BICRAL: variants seen among roughly 807,000 people sequenced by gnomAD.
The protein encoded by BICRAL is BICRA like chromatin remodeling complex associated protein, also known as BRD4-interacting chromatin-remodeling complex-associated protein-like.
BICRAL carries 8 observed loss-of-function variants against 91.8 expected under a neutral mutation model. The ratio of observed to expected loss-of-function variants is 0.09; its 90% CI spans 0.05 to 0.16. BICRAL has a LOEUF of 0.16. Ranked by LOEUF, BICRAL falls within the 10% of genes least tolerant of loss-of-function variation. The pLI is 1.00. For synonymous variants in BICRAL, 445 were observed against 491.1 expected (o/e 0.91, Z 1.24); for missense variants, 1,038 against 1,310.9 (o/e 0.79, Z 3.21).
At chr6:42,864,463 G>T (rs978326348) in intron 12 of BICRAL, among the ~76,000 whole-genome samples, 196 bp from the exon 13 acceptor site, 41 of 152,174 alleles carry the variant, frequency 2.7e-4, no homozygotes, top group African/African-American at 9.4e-4. Context: ...TGAAGCTGGG[G>T]CTCCACAGCC....
chr6:42,861,736 C>T (rs988945574), intron 11 of BICRAL, among the ~76,000 whole-genome samples: 16 of 151,936 alleles, frequency 1.1e-4, no homozygotes, highest in East Asian at 1.9e-4. Context: ...CAGTGGCTCA[C>T]GCCTGTAATC....
intron 6 of BICRAL, among the ~76,000 whole-genome samples, chr6:42,842,914 C>A (rs930054645): frequency 1.3e-4 from 20 of 151,060 alleles, no homozygotes; most frequent in Non-Finnish European, 2.9e-5. Context: ...AGTGCAGTGG[C>A]ACAGTCTTGG....
At chr6:42,747,808 T>A (rs1005852162) in intron 1 of BICRAL, among the ~76,000 whole-genome samples, 3 of 145,566 alleles carry the variant, frequency 2.1e-5, no homozygotes, top group African/African-American at 5.2e-5. Context: ...TTATTTTGTT[T>A]TTTTTTTTTT....
At chr6:42,856,957 G>T (rs982823867) in intron 9 of BICRAL, 134 bp from the exon 10 acceptor site, 2 of 685,882 alleles carry the variant, frequency 2.9e-6, no homozygotes, top group African/African-American at 3.6e-5. Context: ...ACCCACTATG[G>T]TATAAAAAAT....
rs868480822 is a variant in BICRAL at position 42,859,704 on chromosome 6, C to T, written c.2255-558C>T. Among the ~76,000 whole-genome samples the T allele has an allele frequency of 1.3e-3, 202 of 152,112 alleles. 1 individual carries two copies. The highest frequency in any genetic ancestry group is 3.4e-3 in the African/African-American group (142 of 41,514). On this transcript the variant is annotated intron_variant, in intron 10 of 12. Transcript: ENST00000314073. Reference sequence around the variant, plus strand: ...TTGCCCAGGCTGGAGTGCAGTGGCACGATCTTGGCTCACTGCAAGCTCCGC... The same window carrying T: ...TTGCCCAGGCTGGAGTGCAGTGGCATGATCTTGGCTCACTGCAAGCTCCGC...
intron 9 of BICRAL, 107 bp downstream of exon 9, chr6:42,856,024 C>G: frequency 1.1e-6 from 1 of 932,588 alleles, no homozygotes; most frequent in Non-Finnish European, 1.7e-6. Context: ...GTATATTAGC[C>G]TTTTTAAAAA....
chr6:42,844,401 C>T (rs1582866112), intron 6 of BICRAL, among the ~76,000 whole-genome samples: 1 of 148,172 alleles, frequency 6.7e-6, no homozygotes, highest in Admixed American at 6.9e-5. Flanking sequence ...CCCAGCTACT[C>T]GGGAGGCTGA....
At chr6:42,758,700 A>G (rs2113828612) in intron 1 of BICRAL, among the ~76,000 whole-genome samples, 1 of 145,180 alleles carries the variant, frequency 6.9e-6, no homozygotes, top group African/African-American at 2.5e-5. Flanking sequence ...CTTATGATGG[A>G]GTCGGGGGGT....
intron 1 of BICRAL, among the ~76,000 whole-genome samples, chr6:42,774,609 G>A (rs952933770): frequency 4.7e-5 from 7 of 149,460 alleles, no homozygotes; most frequent in African/African-American, 1.7e-4. Flanking sequence ...TAGTGAGAGA[G>A]ATATATAAAC....
intron 2 of BICRAL, among the ~76,000 whole-genome samples, chr6:42,815,833 C>T (rs552139398): frequency 2.0e-5 from 3 of 150,510 alleles, no homozygotes; most frequent in East Asian, 2.0e-4. Flanking sequence ...ACTAAAAATA[C>T]GAAATTAGCC....
At chr6:42,803,110 G>A (rs538510030) in intron 1 of BICRAL, among the ~76,000 whole-genome samples, 57 of 152,090 alleles carry the variant, frequency 3.7e-4, no homozygotes, top group Non-Finnish European at 1.5e-4. Flanking sequence ...ATTTACTTCC[G>A]AGTCTTTTAA....
Position 42,829,909 on chromosome 6 carries a change from G to A in BICRAL, c.1576G>A (p.Ala526Thr), listed in dbSNP as rs771711586. The A allele has an allele frequency of 8.1e-6, 13 of 1,614,070 alleles. No homozygotes were observed. In the South Asian group the frequency reaches 1.3e-4, roughly 16 times the overall value. The change falls in exon 6 of 13, where the codon GCC becomes ACC. Residue 526 changes from alanine (A) to threonine (T), a missense_variant. Physicochemically the swap from Ala to Thr is moderately conservative, Grantham distance 58 (BLOSUM62 0). Coordinates refer to ENST00000314073, the MANE Select transcript of BICRAL (RefSeq NM_001393499.1). ...CGTTTCCCAAGGAAGACCTGGCTTCGCCACCATGCCATCGGTGACAAGCAT... is the reference window on the plus strand; with the variant it reads ...CGTTTCCCAAGGAAGACCTGGCTTCACCACCATGCCATCGGTGACAAGCAT... ...SSVSQGRPGF[A>T]TMPSVTSMSG...
intron 1 of BICRAL, among the ~76,000 whole-genome samples, chr6:42,753,614 CTTGT>C (rs1275341441): frequency 2.6e-5 from 4 of 151,976 alleles, no homozygotes; most frequent in Non-Finnish European, 2.9e-5. Flanking sequence ...GTTGTTTGAA[CTTGT>C]TTGTTTTTTT....
chr6:42,815,759 G>C (rs1165277235), intron 2 of BICRAL, among the ~76,000 whole-genome samples: 2 of 151,544 alleles, frequency 1.3e-5, no homozygotes, highest in African/African-American at 4.8e-5. Context: ...AGCCTGAGGT[G>C]GGCGGATCAC....
chr6:42,775,227 G>A (rs1015664694), intron 1 of BICRAL, among the ~76,000 whole-genome samples: 1 of 152,176 alleles, frequency 6.6e-6, no homozygotes, highest in Non-Finnish European at 1.5e-5. Context: ...GAGCCACTGC[G>A]CCCGGCCAGA....
At chr6:42,802,429 TTG>T (rs1554277634) in intron 1 of BICRAL, among the ~76,000 whole-genome samples, 49 of 61,992 alleles carry the variant, frequency 7.9e-4, no homozygotes, top group African/African-American at 2.7e-3. Context: ...GTGTTTTTTT[TTG>T]TTGTTGTTGT....
At chr6:42,863,009 C>T (rs1765600111) in intron 12 of BICRAL, among the ~76,000 whole-genome samples, 1 of 151,920 alleles carries the variant, frequency 6.6e-6, no homozygotes, top group Non-Finnish European at 1.5e-5. Context: ...CTGCCTGCCT[C>T]CATCTGTACC....
intron 3 of BICRAL, 116 bp downstream of exon 3, chr6:42,822,179 A>G: frequency 1.6e-6 from 1 of 631,064 alleles, no homozygotes; most frequent in Non-Finnish European, 2.8e-6. Flanking sequence ...TTAAATAATA[A>G]TCATAGGTTT....
At chr6:42,785,054 AT>A (rs1455147254) in intron 1 of BICRAL, among the ~76,000 whole-genome samples, 1 of 152,166 alleles carries the variant, frequency 6.6e-6, no homozygotes, top group African/African-American at 2.4e-5. Context: ...TTTTGCTCAC[AT>A]TAGTCTCATT....
Sources: gnomAD v4.1 joint callset for allele counts (sites outside exome capture counted in the v4.1 genomes callset) on GRCh38, gnomAD v4.1.1 for gene constraint, MANE v1.5 for transcripts, NCBI Gene and HGNC (gene_info 2026-07-23, HGNC 2026-07-21) for gene names.